MYO1B: variants seen among roughly 807,000 people sequenced by gnomAD.
MYO1B encodes the protein unconventional myosin-Ib.
Under a neutral mutation model 159.7 loss-of-function variants are expected in MYO1B, and 72 were observed. The observed-to-expected ratio is 0.45, with a 90% confidence interval of 0.37 to 0.55. The LOEUF is 0.55. MYO1B is among the 20% of genes least tolerant of loss of function. The pLI, the probability that MYO1B is intolerant of heterozygous loss-of-function variation, is 0.00. For synonymous variants in MYO1B, 468 were observed against 473.8 expected, an observed-to-expected ratio of 0.99 and a Z score of 0.16; for missense variants, 1,062 against 1,364.8, an observed-to-expected ratio of 0.78 and a Z score of 3.50.
At chr2:191,319,630 C>G (rs960918354) in intron 3 of MYO1B, among the ~76,000 whole-genome samples, 7 of 152,114 alleles carry the variant, frequency 4.6e-5, no homozygotes, top group African/African-American at 1.7e-4. Context: ...GATGTTGAGC[C>G]TCCGGACCAC....
At chr2:191,420,630 C>T (rs1697878656) in intron 30 of MYO1B, among the ~76,000 whole-genome samples, 1 of 152,130 alleles carries the variant, frequency 6.6e-6, no homozygotes, top group Non-Finnish European at 1.5e-5. Flanking sequence ...CAGAATGTAT[C>T]CCTTTTATTA....
chr2:191,342,707 C>T (rs1200246028), intron 5 of MYO1B, among the ~76,000 whole-genome samples: 3 of 151,994 alleles, frequency 2.0e-5, no homozygotes, highest in African/African-American at 7.3e-5. Context: ...ATTAGCTGGG[C>T]GTGGTGGCAC....
At chr2:191,381,779 G>A (rs1298995108) in intron 14 of MYO1B, among the ~76,000 whole-genome samples, 2 of 152,172 alleles carry the variant, frequency 1.3e-5, no homozygotes, top group African/African-American at 4.8e-5. Context: ...AGTTGTGAGA[G>A]GGTTGTGGCT....
At chr2:191,314,153 A>G (rs1390327886) in intron 3 of MYO1B, among the ~76,000 whole-genome samples, 2 of 152,236 alleles carry the variant, frequency 1.3e-5, no homozygotes, top group South Asian at 2.1e-4. Context: ...TTTAAAAAAT[A>G]ATAATTGTAA....
chr2:191,338,858 A>G (rs1373508663), intron 4 of MYO1B, among the ~76,000 whole-genome samples: 2 of 152,148 alleles, frequency 1.3e-5, no homozygotes, highest in Non-Finnish European at 2.9e-5. Context: ...TTCATCTAAA[A>G]TGTGTGAGTG....
At chr2:191,343,504 T>C (rs1019583039) in intron 5 of MYO1B, among the ~76,000 whole-genome samples, 2 of 152,250 alleles carry the variant, frequency 1.3e-5, no homozygotes, top group Admixed American at 6.5e-5. Flanking sequence ...TCATCTATTA[T>C]GCTGTTTTTG....
chr2:191,383,473 T>TATATATATAC (rs1170563038), intron 15 of MYO1B, 131 bp downstream of exon 15: 10 of 119,862 alleles, frequency 8.3e-5, no homozygotes, highest in African/African-American at 3.8e-4. Flanking sequence ...TATATATATA[T>TATATATATAC]ACACACACAC....
chr2:191,320,445 T>G (rs1291002211), intron 3 of MYO1B, among the ~76,000 whole-genome samples: 1 of 152,168 alleles, frequency 6.6e-6, no homozygotes, highest in African/African-American at 2.4e-5. Context: ...TTTTATTATT[T>G]TGCCAATTCA....
chr2:191,395,184 G>T (rs770601271), intron 20 of MYO1B, among the ~76,000 whole-genome samples: 15 of 152,188 alleles, frequency 9.9e-5, no homozygotes, highest in Non-Finnish European at 1.6e-4. Context: ...ATGCGTGTCA[G>T]AATGATGGTC....
At position 191,268,899 on chromosome 2, in the gene MYO1B, T is replaced by G. The variant is rs528101108; in HGVS notation, c.-9-7988T>G. ...GGTGCTGTGGCAGGCCTTGGCATCT[T>G]TGTGTGTGTGTAAGTGGGGACTGTG... On this transcript the variant is annotated intron_variant, in intron 1 of 30. Coordinates refer to ENST00000392318, the MANE Select transcript of MYO1B (RefSeq NM_001130158.3). Among the ~76,000 whole-genome samples, 6 of 152,236 alleles carry G rather than the reference T, an allele frequency of 3.9e-5. No individual in the cohort carries two copies. The South Asian group carries it at 1.2e-3, about 32-fold the overall frequency.
chr2:191,348,348 C>T (rs1199621758), intron 6 of MYO1B, among the ~76,000 whole-genome samples: 1 of 152,160 alleles, frequency 6.6e-6, no homozygotes, highest in Non-Finnish European at 1.5e-5. Context: ...ATCCTGCTTC[C>T]TGGTGCCTGA....
At chr2:191,287,179 C>T (rs977388319) in intron 2 of MYO1B, among the ~76,000 whole-genome samples, 7 of 152,018 alleles carry the variant, frequency 4.6e-5, no homozygotes, top group African/African-American at 9.7e-5. Flanking sequence ...GACACACAAC[C>T]TCATTTAATC....
chr2:191,376,483 A>G (rs560191570), intron 13 of MYO1B, among the ~76,000 whole-genome samples: 2 of 152,330 alleles, frequency 1.3e-5, no homozygotes, highest in East Asian at 1.9e-4. Context: ...TTTTACAGCA[A>G]TAATATAGCC....
chr2:191,350,197 C>T lies in MYO1B; in HGVS notation c.534C>T (p.Gly178=), dbSNP rs771424232. 38 of 1,612,480 alleles carry T rather than the reference C, an allele frequency of 2.4e-5. No individual in the cohort carries two copies. Among genetic ancestry groups the T allele is most frequent in the East Asian group, 4.5e-5 (2 of 44,688 alleles). The change falls in exon 7 of 31, where the codon GGC becomes GGT. Residue 178 remains glycine, a synonymous_variant. Coordinates refer to ENST00000392318, the MANE Select transcript of MYO1B (RefSeq NM_001130158.3). ...KYMDIEFDFK[G]DPLGGVISNY... is the part of the protein sequence containing the mutation. Reference sequence around the variant, plus strand: ...TGGATATTGAATTTGACTTTAAAGGCGATCCACTAGGAGGAGTAATAAGTA... The same window carrying T: ...TGGATATTGAATTTGACTTTAAAGGTGATCCACTAGGAGGAGTAATAAGTA...
chr2:191,262,191 G>A (rs1329858273), intron 1 of MYO1B, among the ~76,000 whole-genome samples: 2 of 151,918 alleles, frequency 1.3e-5, no homozygotes, highest in African/African-American at 2.4e-5. Flanking sequence ...TTGATATACT[G>A]TCTTGTATAG....
chr2:191,387,272 T>C lies in MYO1B; in HGVS notation c.1603T>C (p.Tyr535His), dbSNP rs1232529197. 1 of 1,614,200 alleles carries C rather than the reference T, an allele frequency of 6.2e-7. No homozygotes were observed. The highest frequency in any genetic ancestry group is 1.1e-5 in the South Asian group (1 of 91,086). ...CGTTGACAAAAACAATGACCTTCTC[T>C]ATCGAGACCTGTCCCAAGCCATGTG... ...GFVDKNNDLL[Y>H]RDLSQAMWKA... The change falls in exon 17 of 31, where the codon TAT (tyrosine) becomes CAT (histidine). Residue 535 changes from tyrosine to histidine, a missense_variant. Around this residue, in one of 5 missense-constraint regions of MYO1B, gnomAD observed 609 missense variants for 744.4 expected, o/e 0.82. Transcript: ENST00000392318.
rs1476024440 is a variant in MYO1B, at chr2:191,387,265, C to T, written c.1596C>T (p.Asp532=). 6.2e-7 allele frequency: 1 copy of T among 1,614,154 alleles called. No individual in the cohort carries two copies. Among genetic ancestry groups the T allele is most frequent in the Non-Finnish European group, 8.5e-7 (1 of 1,180,030 alleles). Residue 532 remains aspartate, a synonymous_variant, in exon 17 of 31, where the codon GAC becomes GAT. Coordinates refer to ENST00000392318, the MANE Select transcript of MYO1B (RefSeq NM_001130158.3). Reference sequence around the variant, plus strand: ...AAGGATTCGTTGACAAAAACAATGACCTTCTCTATCGAGACCTGTCCCAAG... The same window carrying T: ...AAGGATTCGTTGACAAAAACAATGATCTTCTCTATCGAGACCTGTCCCAAG... The part of the protein sequence containing the change: ...QVEGFVDKNN[D]LLYRDLSQAM...
intron 11 of MYO1B, among the ~76,000 whole-genome samples, chr2:191,364,878 C>T (rs1693905801): frequency 6.6e-6 from 1 of 152,152 alleles, no homozygotes; most frequent in Non-Finnish European, 1.5e-5. Flanking sequence ...AGAGAACAAT[C>T]AAGGGTGATT....
intron 1 of MYO1B, among the ~76,000 whole-genome samples, chr2:191,268,411 C>G (rs1005134060): frequency 6.6e-6 from 1 of 152,160 alleles, no homozygotes; most frequent in Non-Finnish European, 1.5e-5. Context: ...TTCCAAAGGA[C>G]CCACCTCCAA....
Sources: allele counts gnomAD v4.1 joint callset (sites outside exome capture counted in the v4.1 genomes callset), GRCh38; gene constraint gnomAD v4.1.1; regional missense constraint gnomAD v4.1.1; transcripts MANE v1.5; gene names NCBI Gene and HGNC (gene_info 2026-07-23, HGNC 2026-07-21).